Variants in SRGAP2 observed in about 807,000 individuals in gnomAD.
The protein encoded by SRGAP2 is SLIT-ROBO Rho GTPase activating protein 2, also known as SLIT-ROBO Rho GTPase-activating protein 2.
SRGAP2 carries 15 observed loss-of-function variants against 57.2 expected under a neutral mutation model. The observed-to-expected ratio is 0.26, with a 90% CI of 0.18 to 0.40. SRGAP2 has a LOEUF of 0.40. SRGAP2 is among the 10% of genes least tolerant of loss of function. The pLI is 1.00. For missense variants in SRGAP2, 520 were observed against 669.6 expected, an observed-to-expected ratio of 0.78 and a Z score of 2.47; for synonymous variants, 249 against 248.0, an observed-to-expected ratio of 1.00 and a Z score of -0.04.
Position 206,454,249 on chromosome 1 carries a change from C to G in SRGAP2, c.2361-629C>G. On this transcript the variant is annotated intron_variant, in intron 20 of 22. Transcript: ENST00000573034. This position sits in a 1 kb window ranked among gnomAD's most constrained non-coding sequence, Gnocchi z 4.3. Reference sequence around the variant, plus strand: ...ATCGCAAACCTGGTGGCAATCTGTGCGTGGACAGGACCCTCCCAAATTTAG... The same window carrying G: ...ATCGCAAACCTGGTGGCAATCTGTGGGTGGACAGGACCCTCCCAAATTTAG... 1 of 700,034 alleles carries G rather than the reference C, an allele frequency of 1.4e-6. No individual in the cohort carries two copies. The highest frequency in any genetic ancestry group is 2.6e-6 in the Non-Finnish European group (1 of 383,714). The allele number at this position is 700,034 out of a possible 1,614,324, so 43.4% of individuals were successfully genotyped here.
At chr1:206,327,671 T>A (rs1254313794) in intron 3 of SRGAP2, among the ~76,000 whole-genome samples, 59 of 116,040 alleles carry the variant, frequency 5.1e-4, no homozygotes, top group African/African-American at 2.1e-3. Context: ...TTATTTATTT[T>A]TTATTTATTT....
At position 206,438,121 on chromosome 1, in the gene SRGAP2, A is replaced by G. The variant is rs187196529; in HGVS notation, c.1768+23A>G. ...TCAGTAAGTACCATTCTGGCTTCAG[A>G]TTGGCTTCTGGGCTACAGCACCGGT... On this transcript the variant is annotated intron_variant, in intron 16 of 22. Coordinates refer to ENST00000573034, the MANE Select transcript of SRGAP2 (RefSeq NM_015326.5). 6.9e-4 allele frequency: 540 copies of G among 780,162 alleles called. 2 individuals are homozygous for G. In the African/African-American group the frequency reaches 7.7e-3, roughly 11 times the overall value. The allele number at this position is 780,162 out of a possible 1,614,324, so 48.3% of individuals were successfully genotyped here. A position where few individuals can be genotyped will look rare whatever the true frequency, so the allele number is the denominator to read the frequency against.
At chr1:206,458,993 C>A in intron 22 of SRGAP2, 46 bp downstream of exon 22, 1 of 681,644 alleles carries the variant, frequency 1.5e-6, no homozygotes, top group Non-Finnish European at 2.7e-6. Context: ...ACATTCATCA[C>A]TACCACTTAG....
chr1:206,227,033 A>G (rs1340006187), intron 2 of SRGAP2, among the ~76,000 whole-genome samples: 1 of 152,106 alleles, frequency 6.6e-6, no homozygotes. Flanking sequence ...AATGCTAAAT[A>G]GCAAGTCTGC....
chr1:206,416,042 G>A (rs913147910), intron 11 of SRGAP2, 69 bp downstream of exon 11: 2 of 708,216 alleles, frequency 2.8e-6, no homozygotes, highest in Non-Finnish European at 5.2e-6. Flanking sequence ...CTGAGCACAC[G>A]CCTCCATCCT....
chr1:206,429,482 C>T (rs1015556330), intron 13 of SRGAP2, among the ~76,000 whole-genome samples: 5 of 152,218 alleles, frequency 3.3e-5, no homozygotes, highest in Non-Finnish European at 7.3e-5. Context: ...TATTCACATC[C>T]ACACATTGGA....
intron 8 of SRGAP2, among the ~76,000 whole-genome samples, chr1:206,404,336 G>A (rs1289375661): frequency 3.2e-4 from 49 of 152,010 alleles, no homozygotes; most frequent in Non-Finnish European, 5.6e-4. Flanking sequence ...GGAATGGTCC[G>A]TGGGCATGTG....
intron 4 of SRGAP2, among the ~76,000 whole-genome samples, chr1:206,350,834 A>G (rs1675988997): frequency 6.6e-6 from 1 of 151,042 alleles, no homozygotes; most frequent in Non-Finnish European, 1.5e-5. Flanking sequence ...TTCACACTGC[A>G]GGAAGTGGGG....
At chr1:206,240,024 G>C (rs1668113879) in intron 2 of SRGAP2, among the ~76,000 whole-genome samples, 1 of 151,780 alleles carries the variant, frequency 6.6e-6, no homozygotes, top group African/African-American at 2.4e-5. Flanking sequence ...CCAGCACTTT[G>C]GGAGGCCAAG....
chr1:206,273,027 T>C (rs1229759152), intron 2 of SRGAP2, among the ~76,000 whole-genome samples: 1 of 152,084 alleles, frequency 6.6e-6, no homozygotes, highest in Non-Finnish European at 1.5e-5. Context: ...AGAAAATAAT[T>C]ATCAAGGAAA....
At chr1:206,439,101 G>A (rs1284493292) in intron 16 of SRGAP2, among the ~76,000 whole-genome samples, 6 of 152,150 alleles carry the variant, frequency 3.9e-5, no homozygotes, top group Non-Finnish European at 8.8e-5. Context: ...GGGTTGCCAA[G>A]ACAGTTCAAT....
At chr1:206,424,264 AAAAAT>A (rs1660601405) in intron 13 of SRGAP2, among the ~76,000 whole-genome samples, 2 of 152,298 alleles carry the variant, frequency 1.3e-5, no homozygotes, top group African/African-American at 4.8e-5. Context: ...TTCATTACCA[AAAAAT>A]AAAAAAGTGT....
At chr1:206,459,018 T>TG in intron 22 of SRGAP2, 71 bp downstream of exon 22, 1 of 649,084 alleles carries the variant, frequency 1.5e-6, no homozygotes, top group Non-Finnish European at 2.8e-6. Flanking sequence ...ACCCACCTAA[T>TG]TATGACAGGA....
chr1:206,306,485 A>G (rs1181687918), intron 3 of SRGAP2, among the ~76,000 whole-genome samples: 1 of 152,198 alleles, frequency 6.6e-6, no homozygotes, highest in Non-Finnish European at 1.5e-5. Context: ...GGACCCAAAA[A>G]GTGAGCACTA....
intron 10 of SRGAP2, among the ~76,000 whole-genome samples, chr1:206,412,797 T>A (rs1258157380): frequency 6.6e-6 from 1 of 152,176 alleles, no homozygotes; most frequent in Non-Finnish European, 1.5e-5. Flanking sequence ...CCAACGAGTC[T>A]CTCATATGGA....
In SRGAP2 at chr1:206,438,114, G is replaced by A. The variant is rs782255678; in HGVS notation, c.1768+16G>A. On this transcript the variant is annotated intron_variant, in intron 16 of 22. Coordinates refer to ENST00000573034, the MANE Select transcript of SRGAP2 (RefSeq NM_015326.5). ...GCCTGCGTCAGTAAGTACCATTCTGGCTTCAGATTGGCTTCTGGGCTACAG... is the reference window on the plus strand; with the variant it reads ...GCCTGCGTCAGTAAGTACCATTCTGACTTCAGATTGGCTTCTGGGCTACAG... 3 of 780,310 alleles carry A rather than the reference G, an allele frequency of 3.8e-6. No homozygotes were observed. Among genetic ancestry groups the A allele is most frequent in the Non-Finnish European group, 7.2e-6 (3 of 417,716 alleles). 48.3% of individuals were successfully genotyped at this position (780,310 alleles called of 1,614,324 possible).
At chr1:206,450,971 G>T (rs1006261659) in intron 19 of SRGAP2, among the ~76,000 whole-genome samples, 2 of 150,782 alleles carry the variant, frequency 1.3e-5, no homozygotes, top group Admixed American at 1.3e-4. Flanking sequence ...AAATAGCCTG[G>T]CATGGTGGTG....
rs370656752 is a variant in SRGAP2, at chr1:206,446,275, G to A, written c.2075G>A (p.Arg692Lys). The A allele has an allele frequency of 2.6e-6, 2 of 780,810 alleles. No homozygotes were observed. Among genetic ancestry groups the A allele is most frequent in the African/African-American group, 1.7e-5 (1 of 59,154 alleles). The allele number at this position is 780,810 out of a possible 1,614,324, so 48.4% of individuals were successfully genotyped here. A position where few individuals can be genotyped will look rare whatever the true frequency, so the allele number is the denominator to read the frequency against. The change falls in exon 18 of 23, where the codon AGA (arginine) becomes AAA (lysine). Residue 692 changes from arginine (R) to lysine (K), a missense_variant. This residue lies in a region of SRGAP2 where 478 missense variants were observed against 373.6 expected (regional missense o/e 1.28). Transcript: ENST00000573034. ...PRELEGPVYSRGGSMEDYCDS... is the reference protein window; with the variant it reads ...PRELEGPVYSKGGSMEDYCDS... ...GAGCTGGAGGGCCCTGTCTACAGCA[G>A]AGGAGGAAGCATGGAGGATTACTGG...
intron 2 of SRGAP2, among the ~76,000 whole-genome samples, chr1:206,220,555 G>A (rs1297195416): frequency 3.9e-5 from 6 of 152,288 alleles, no homozygotes; most frequent in East Asian, 1.9e-4. Flanking sequence ...GAAAAGGGCC[G>A]TCAGCTAACC....
Sources: gnomAD v4.1 joint callset for allele counts (sites outside exome capture counted in the v4.1 genomes callset) on GRCh38, gnomAD v4.1.1 for gene constraint, gnomAD v4.1.1 regional missense constraint, Gnocchi (gnomAD v3.1) non-coding constraint, MANE v1.5 for transcripts, NCBI Gene and HGNC (gene_info 2026-07-23, HGNC 2026-07-21) for gene names.